Variants in BLK observed in about 807,000 individuals in gnomAD.
BLK encodes BLK proto-oncogene, Src family tyrosine kinase, also known as tyrosine-protein kinase Blk.
BLK carries 64 observed loss-of-function variants against 61.8 expected under a neutral mutation model. The ratio of observed to expected loss-of-function variants is 1.03; its 90% confidence interval spans 0.85 to 1.27. BLK has a LOEUF of 1.27. Among genes scored for constraint, BLK ranks in the 50% most tolerant of loss-of-function variants. BLK has a pLI of 0.00. For missense variants in BLK, 853 were observed against 660.5 expected, an observed-to-expected ratio of 1.29 and a Z score of -3.19; for synonymous variants, 351 against 272.0, an observed-to-expected ratio of 1.29 and a Z score of -2.86.
In BLK at chr8:11,545,719, A is replaced by G. The variant is rs1394422446; in HGVS notation, c.124-333A>G. On this transcript the variant is annotated intron_variant, in intron 2 of 12. Coordinates refer to ENST00000259089, the MANE Select transcript of BLK (RefSeq NM_001715.3). ...TTTAAATATTTTTTCTTGTCAACAA[A>G]TACCCGTTTGCAGTTTGATCTTGTA... 3 of 392,494 alleles carry G rather than the reference A, an allele frequency of 7.6e-6. No homozygotes were observed. The East Asian group carries it at 1.4e-4, about 19-fold the overall frequency. The allele number at this position is 392,494 out of a possible 1,614,324, so 24.3% of individuals were successfully genotyped here. A position where few individuals can be genotyped will look rare whatever the true frequency, so the allele number is the denominator to read the frequency against.
rs370643446 is a variant in BLK, at chr8:11,498,694, TG to T, written c.-2+4104del. Among the ~76,000 whole-genome samples the T allele has an allele frequency of 3.7e-4, 57 of 152,326 alleles. No individual in the cohort carries two copies. In the East Asian group the frequency reaches 6.6e-3, roughly 18 times the overall value. ...CAAGTCACTGTGTGCCTTCCTGAGA[TG>T]ATAATAGTTTGACCCCACTGTATAC... On this transcript the variant is annotated intron_variant, in intron 1 of 12. Coordinates refer to ENST00000259089, the MANE Select transcript of BLK (RefSeq NM_001715.3).
chr8:11,550,359 GC>G, intron 6 of BLK, 97 bp downstream of exon 6: 1 of 1,191,296 alleles, frequency 8.4e-7, no homozygotes, highest in Non-Finnish European at 1.2e-6. Context: ...AGGGGTGACT[GC>G]CAGGAGAACC....
chr8:11,560,595 G>C (rs2117595591), intron 10 of BLK: 10 of 331,938 alleles, frequency 3.0e-5, no homozygotes, highest in South Asian at 2.4e-4. Context: ...CAGCTAAAAG[G>C]TGCCAAGTAG....
Position 11,529,371 on chromosome 8 carries a change from T to C in BLK, c.-1-13853T>C, listed in dbSNP as rs181141571. ...GAAGCCAGTGAGTCGAGAGTGCTGA[T>C]TGGTTGGGTCAGAGATGAAATCACA... On this transcript the variant is annotated intron_variant, in intron 1 of 12. Coordinates refer to ENST00000259089, the MANE Select transcript of BLK (RefSeq NM_001715.3). 1.9e-3 allele frequency among the ~76,000 whole-genome samples: 282 copies of C among 152,106 alleles called. 2 individuals are homozygous for C. The highest frequency in any genetic ancestry group is 6.5e-3 in the African/African-American group (271 of 41,480).
intron 1 of BLK, among the ~76,000 whole-genome samples, chr8:11,518,525 C>G (rs1799315080): frequency 6.6e-6 from 1 of 151,994 alleles, no homozygotes; most frequent in Non-Finnish European, 1.5e-5. Context: ...GCTGGCATCT[C>G]AGCATTTCCA....
chr8:11,556,918 G>A (rs1290658953), intron 9 of BLK, 81 bp downstream of exon 9: 1 of 1,469,112 alleles, frequency 6.8e-7, no homozygotes, highest in Admixed American at 2.0e-5. Flanking sequence ...CCGCTGCGGT[G>A]GGTTCACCAG....
At chr8:11,554,530 G>A (rs1257968761) in intron 6 of BLK, among the ~76,000 whole-genome samples, 1 of 152,190 alleles carries the variant, frequency 6.6e-6, no homozygotes, top group Non-Finnish European at 1.5e-5. Context: ...ATAGTGGGGG[G>A]ATGCCAAGGT....
intron 10 of BLK, 74 bp downstream of exon 10, chr8:11,558,112 C>A (rs1801321169): frequency 1.4e-6 from 2 of 1,425,528 alleles, no homozygotes; most frequent in African/African-American, 1.4e-5. Context: ...TCGTGCCTTA[C>A]CACCCCATCC....
intron 1 of BLK, among the ~76,000 whole-genome samples, chr8:11,533,630 G>T (rs866694308): frequency 3.5e-4 from 52 of 150,464 alleles, no homozygotes; most frequent in Middle Eastern, 6.8e-3. Context: ...AGTAGGAGGA[G>T]GGGGAAGGGG....
At chr8:11,512,894 T>C (rs376415200) in intron 1 of BLK, among the ~76,000 whole-genome samples, 67 of 152,336 alleles carry the variant, frequency 4.4e-4, no homozygotes, top group African/African-American at 1.5e-3. Flanking sequence ...CTCAAACTCC[T>C]GACCTCAAGT....
intron 1 of BLK, among the ~76,000 whole-genome samples, chr8:11,533,321 G>C (rs966154162): frequency 6.6e-6 from 1 of 152,056 alleles, no homozygotes; most frequent in Non-Finnish European, 1.5e-5. Flanking sequence ...ATGTTCTCCT[G>C]CACCCTCAAA....
At chr8:11,532,345 C>T (rs979670350) in intron 1 of BLK, among the ~76,000 whole-genome samples, 8 of 148,160 alleles carry the variant, frequency 5.4e-5, no homozygotes, top group Admixed American at 2.7e-4. Context: ...ATTACAGGCA[C>T]GCAGCACCAT....
At chr8:11,537,944 C>A (rs1166955024) in intron 1 of BLK, among the ~76,000 whole-genome samples, 13 of 152,154 alleles carry the variant, frequency 8.5e-5, no homozygotes, top group Admixed American at 8.5e-4. Context: ...GAGGGCCTAG[C>A]TGGTTTCAAA....
rs149656194 is a variant in BLK at position 11,504,412 on chromosome 8, A to AAAAGAAAAGAAAAGAAAAG, written c.-2+9824_-2+9825insGAAAAGAAAAGAAAAGAAA. On this transcript the variant is annotated intron_variant, in intron 1 of 12. Coordinates refer to ENST00000259089, the MANE Select transcript of BLK (RefSeq NM_001715.3). ...AAAAGAAAAGAAAAGAAAAGAAAAGAAAAAAAAAAGAAAAGATCCCATTCA... is the reference window on the plus strand; with the variant it reads ...AAAAGAAAAGAAAAGAAAAGAAAAGAAAAGAAAAGAAAAGAAAAGAAAAAAAAAGAAAAGATCCCATTCA... 5.6e-3 allele frequency among the ~76,000 whole-genome samples: 785 copies of AAAAGAAAAGAAAAGAAAAG among 140,496 alleles called. 21 individuals carry two copies. Among genetic ancestry groups the AAAAGAAAAGAAAAGAAAAG allele is most frequent in the African/African-American group, 0.018 (619 of 35,308 alleles). The allele number at this position is 140,496 out of a possible 152,430, so 92.2% of individuals were successfully genotyped here.
intron 1 of BLK, among the ~76,000 whole-genome samples, chr8:11,523,801 G>T (rs1799545542): frequency 6.6e-6 from 1 of 150,530 alleles, no homozygotes; most frequent in Non-Finnish European, 1.5e-5. Context: ...TTAATACTAT[G>T]TTGTTCATCA....
At chr8:11,550,577 G>C (rs1430706847) in intron 6 of BLK, among the ~76,000 whole-genome samples, 1 of 152,394 alleles carries the variant, frequency 6.6e-6, no homozygotes, top group East Asian at 1.9e-4. Context: ...GGGGAACCCT[G>C]AGCCCTTAAC....
At chr8:11,555,011 T>C (rs576401915) in intron 7 of BLK, 122 bp downstream of exon 7, 97 of 1,454,078 alleles carry the variant, frequency 6.7e-5, no homozygotes, top group Non-Finnish European at 8.5e-5. Context: ...TATCCCAAAG[T>C]TAGGCCTAAG....
At chr8:11,504,282 C>G (rs762093962) in intron 1 of BLK, among the ~76,000 whole-genome samples, 1 of 150,922 alleles carries the variant, frequency 6.6e-6, no homozygotes, top group Admixed American at 6.6e-5. Context: ...GAGATCGCAC[C>G]ATTGCACTCC....
chr8:11,561,509 C>T (rs1801506784), intron 11 of BLK, 57 bp downstream of exon 11: 3 of 1,589,426 alleles, frequency 1.9e-6, no homozygotes, highest in African/African-American at 2.7e-5. Context: ...CCCAGCTCCT[C>T]AAAGCCGCCT....
Sources: gnomAD v4.1 joint callset for allele counts (sites outside exome capture counted in the v4.1 genomes callset) on GRCh38, gnomAD v4.1.1 for gene constraint, MANE v1.5 for transcripts, NCBI Gene and HGNC (gene_info 2026-07-23, HGNC 2026-07-21) for gene names.